Variants in TRAF3 observed in about 807,000 individuals in gnomAD.
TRAF3 encodes the protein TNF receptor-associated factor 3.
TRAF3 carries 13 observed loss-of-function variants against 62.3 expected under a neutral mutation model. The ratio of observed to expected loss-of-function variants is 0.21; its 90% CI spans 0.14 to 0.33. The LOEUF (loss-of-function observed/expected upper bound fraction) is 0.33. TRAF3 is among the 10% of genes least tolerant of loss of function. The pLI is 1.00. For missense variants in TRAF3, 440 were observed against 741.8 expected (o/e 0.59, Z 4.73); for synonymous variants, 269 against 283.4 (o/e 0.95, Z 0.51).
At chr14:102,782,106 T>C (rs1897297534) in intron 1 of TRAF3, among the ~76,000 whole-genome samples, 1 of 151,646 alleles carries the variant, frequency 6.6e-6, no homozygotes, top group South Asian at 2.1e-4. Context: ...CCCAGCTGAT[T>C]TTTGTATTTT....
intron 1 of TRAF3, among the ~76,000 whole-genome samples, chr14:102,822,866 C>T (rs926883799): frequency 6.6e-6 from 1 of 152,074 alleles, no homozygotes; most frequent in African/African-American, 2.4e-5. Context: ...ATTAGCCGGG[C>T]ATGGTGGCAC....
intron 10 of TRAF3, among the ~76,000 whole-genome samples, chr14:102,899,617 C>T (rs1890175851): frequency 1.3e-5 from 2 of 152,314 alleles, no homozygotes; most frequent in African/African-American, 4.8e-5. Flanking sequence ...AGGCACTCCT[C>T]CAGCCATGTT....
chr14:102,804,622 G>A (rs536561898), intron 1 of TRAF3, among the ~76,000 whole-genome samples: 1 of 152,200 alleles, frequency 6.6e-6, no homozygotes, highest in African/African-American at 2.4e-5. Flanking sequence ...CAAGTAGCTG[G>A]AACTACAGGT....
chr14:102,803,009 C>T (rs1898536861), intron 1 of TRAF3, among the ~76,000 whole-genome samples: 1 of 152,052 alleles, frequency 6.6e-6, no homozygotes, highest in Admixed American at 6.6e-5. Flanking sequence ...GGGAAAAGCC[C>T]CTTGTAAAAC....
chr14:102,791,024 T>C (rs958256318), intron 1 of TRAF3, among the ~76,000 whole-genome samples: 1 of 150,618 alleles, frequency 6.6e-6, no homozygotes, highest in Non-Finnish European at 1.5e-5. Flanking sequence ...TCTTTTCTTT[T>C]TTTTTTTTTT....
rs533553359 is a variant in TRAF3 at position 102,863,980 on chromosome 14, T to A, written c.-17-6205T>A. Reference sequence around the variant, plus strand: ...GGCAGCCTCTTGTCTTCTAGGCCACTGCGGCAGCCAGGATGGGACCAGAGA... The same window carrying A: ...GGCAGCCTCTTGTCTTCTAGGCCACAGCGGCAGCCAGGATGGGACCAGAGA... On this transcript the variant is annotated intron_variant, in intron 2 of 11. Coordinates refer to ENST00000392745, the MANE Select transcript of TRAF3 (RefSeq NM_145725.3). Among the ~76,000 whole-genome samples the A allele has an allele frequency of 5.3e-5, 8 of 152,274 alleles. No homozygotes were observed. In the South Asian group the frequency reaches 1.2e-3, roughly 24 times the overall value.
At chr14:102,815,194 C>T (rs1485522400) in intron 1 of TRAF3, among the ~76,000 whole-genome samples, 2 of 152,148 alleles carry the variant, frequency 1.3e-5, no homozygotes, top group African/African-American at 4.8e-5. Context: ...CTGCTTCAGC[C>T]TCCTAAAGTG....
chr14:102,842,833 GA>G (rs1375865660), intron 2 of TRAF3, among the ~76,000 whole-genome samples: 1 of 152,002 alleles, frequency 6.6e-6, no homozygotes, highest in South Asian at 2.1e-4. Context: ...AGTACTGAAA[GA>G]AAAAAACCTG....
intron 10 of TRAF3, among the ~76,000 whole-genome samples, chr14:102,899,668 T>A (rs560247426): frequency 1.3e-5 from 2 of 152,134 alleles, no homozygotes; most frequent in Non-Finnish European, 2.9e-5. Context: ...TCACTTGGGG[T>A]CTTCTTCTTT....
chr14:102,796,935 C>G (rs1401280312), intron 1 of TRAF3, among the ~76,000 whole-genome samples: 4 of 152,214 alleles, frequency 2.6e-5, no homozygotes, highest in Non-Finnish European at 4.4e-5. Flanking sequence ...TCCTTAGGCA[C>G]TACGTACTTT....
At chr14:102,805,854 C>A (rs964874363) in intron 1 of TRAF3, among the ~76,000 whole-genome samples, 2 of 152,154 alleles carry the variant, frequency 1.3e-5, no homozygotes, top group African/African-American at 2.4e-5. Flanking sequence ...GAGTACATAC[C>A]TGTTTTACTT....
chr14:102,897,415 G>A lies in TRAF3; in HGVS notation c.960+14G>A. 6.2e-7 allele frequency: 1 copy of A among 1,612,898 alleles called. No individual in the cohort carries two copies. Among genetic ancestry groups the A allele is most frequent in the Non-Finnish European group, 8.5e-7 (1 of 1,179,422 alleles). ...CTTCATTTACAGGTAAGAATCTTAG[G>A]ACTACGGCCAGATCAAAGGGTGGAG... On this transcript the variant is annotated intron_variant, in intron 10 of 11. Transcript: ENST00000392745.
chr14:102,869,274 C>T (rs1388016069), intron 2 of TRAF3, among the ~76,000 whole-genome samples: 1 of 152,196 alleles, frequency 6.6e-6, no homozygotes, highest in Non-Finnish European at 1.5e-5. Flanking sequence ...ACTGTGGGCA[C>T]ACTGTCACAG....
In TRAF3 at chr14:102,880,090, TGGGTGACA is replaced by T. The variant is rs1251881233; in HGVS notation, c.570+3567_570+3574del. Among the ~76,000 whole-genome samples the T allele has an allele frequency of 2.0e-5, 3 of 152,194 alleles. No individual in the cohort carries two copies. In the East Asian group the frequency reaches 5.8e-4, roughly 29 times the overall value. On this transcript the variant is annotated intron_variant, in intron 6 of 11. Coordinates refer to ENST00000392745, the MANE Select transcript of TRAF3 (RefSeq NM_145725.3). ...CATAATTGCACCACTGCACTCAGCC[TGGGTGACA>T]GAGTGAGACCCTGTCTCAAAAAAAA... is the stretch of plus-strand genomic sequence containing the variant.
intron 2 of TRAF3, among the ~76,000 whole-genome samples, chr14:102,858,715 T>C (rs146180219): frequency 8.5e-5 from 13 of 152,334 alleles, no homozygotes; most frequent in African/African-American, 2.9e-4. Flanking sequence ...ATCACAATTC[T>C]AGGAGTTTCC....
chr14:102,879,934 T>C (rs921604229), intron 6 of TRAF3, among the ~76,000 whole-genome samples: 3 of 151,762 alleles, frequency 2.0e-5, no homozygotes, highest in Admixed American at 6.6e-5. Flanking sequence ...ATGGGCAACA[T>C]AGCAAGACTC....
At chr14:102,802,330 A>AT (rs367623313) in intron 1 of TRAF3, among the ~76,000 whole-genome samples, 122,575 of 143,794 alleles carry the variant, frequency 0.85, 52,419 homozygotes, top group East Asian at 0.95. Context: ...AATTTTTTGT[A>AT]TTTTTAGTAG....
chr14:102,883,392 C>T (rs138552295), intron 6 of TRAF3, among the ~76,000 whole-genome samples: 31 of 152,256 alleles, frequency 2.0e-4, no homozygotes, highest in South Asian at 4.2e-4. Flanking sequence ...TTTCATTTGG[C>T]ACACATATGT....
At position 102,876,334 on chromosome 14, in the gene TRAF3, A is replaced by G. The variant is rs769205206; in HGVS notation, c.403-24A>G. 3.7e-6 allele frequency: 6 copies of G among 1,613,688 alleles called. No homozygotes were observed. The South Asian group carries it at 5.5e-5, about 15-fold the overall frequency. On this transcript the variant is annotated intron_variant, in intron 5 of 11. Coordinates refer to ENST00000392745, the MANE Select transcript of TRAF3 (RefSeq NM_145725.3). The stretch of plus-strand genomic sequence containing the variant: ...ATTTAGGGTTTTTTTCCCAATTAAG[A>G]ACATTGAATGGTCTGTCTTACAGGT...
Sources: gnomAD v4.1 joint callset for allele counts (sites outside exome capture counted in the v4.1 genomes callset) on GRCh38, gnomAD v4.1.1 for gene constraint, MANE v1.5 for transcripts, NCBI Gene and HGNC (gene_info 2026-07-23, HGNC 2026-07-21) for gene names.